The following PALLD variants were observed in gnomAD, a reference collection of about 807,000 sequenced individuals.
PALLD encodes palladin, cytoskeletal associated protein, also known as palladin.
A neutral mutation model predicts 123.5 loss-of-function variants in PALLD; 61 were observed. The ratio of observed to expected loss-of-function variants is 0.49; its 90% confidence interval spans 0.40 to 0.61. The LOEUF is 0.61. PALLD is among the 20% of genes least tolerant of loss of function. PALLD has a pLI of 0.00. For missense variants in PALLD, 1,273 were observed against 1,377.0 expected, an observed-to-expected ratio of 0.92 and a Z score of 1.20; for synonymous variants, 465 against 496.4, an observed-to-expected ratio of 0.94 and a Z score of 0.84.
chr4:168,817,820 G>C (rs1742191685), intron 10 of PALLD, among the ~76,000 whole-genome samples: 1 of 152,140 alleles, frequency 6.6e-6, no homozygotes, highest in African/African-American at 2.4e-5. Context: ...TTCATCCTGG[G>C]TAAGACTTTT....
chr4:168,497,199 G>A lies in PALLD; in HGVS notation c.-83+5G>A, dbSNP rs939449283. 6.6e-6 allele frequency: 1 copy of A among 151,570 alleles called. No homozygotes were observed. The highest frequency in any genetic ancestry group is 1.5e-5 in the Non-Finnish European group (1 of 67,952). 9.4% of individuals were successfully genotyped at this position (151,570 alleles called of 1,614,324 possible). On this transcript the variant is annotated splice_donor_5th_base_variant and intron_variant, in intron 1 of 21. Transcript: ENST00000505667. ...AACTGACCAAGCATTGAAAAGGTCT[G>A]TAAGGTGTATCTTAATATACTAACT...
At chr4:168,580,228 T>C (rs1770097917) in intron 2 of PALLD, among the ~76,000 whole-genome samples, 1 of 147,358 alleles carries the variant, frequency 6.8e-6, no homozygotes, top group South Asian at 2.2e-4. Flanking sequence ...GACTGAATAT[T>C]ATTTCACTGT....
chr4:168,894,311 T>C (rs1373064261), intron 11 of PALLD: 1 of 478,750 alleles, frequency 2.1e-6, no homozygotes, highest in Non-Finnish European at 3.8e-6. Flanking sequence ...ATCTTTTCTG[T>C]GTGGTTTCTT....
In PALLD at chr4:168,527,422, C is replaced by CAAAAAAAAAAAAAAAAA. The variant is rs35555541; in HGVS notation, c.908+15016_908+15032dup. 8.7e-3 allele frequency among the ~76,000 whole-genome samples: 461 copies of CAAAAAAAAAAAAAAAAA among 52,894 alleles called. 58 individuals carry two copies. Among genetic ancestry groups the CAAAAAAAAAAAAAAAAA allele is most frequent in the African/African-American group, 0.016 (146 of 8,854 alleles). 34.7% of individuals were successfully genotyped at this position (52,894 alleles called of 152,430 possible). ...GGGCAACAGGAGTGAAACTCCATCT[C>CAAAAAAAAAAAAAAAAA]AAAAAAAAAAAAAAAAAAAAAAGTC... On this transcript the variant is annotated intron_variant, in intron 2 of 21. Coordinates refer to ENST00000505667, the MANE Select transcript of PALLD (RefSeq NM_001166108.2).
At chr4:168,656,711 G>T (rs1336941464) in intron 2 of PALLD, among the ~76,000 whole-genome samples, 1 of 152,124 alleles carries the variant, frequency 6.6e-6, no homozygotes, top group Non-Finnish European at 1.5e-5. Flanking sequence ...TCCAGATTGT[G>T]GGGGGAAATC....
chr4:168,752,542 G>A (rs1464479953), intron 10 of PALLD, among the ~76,000 whole-genome samples: 2 of 152,196 alleles, frequency 1.3e-5, no homozygotes, highest in Non-Finnish European at 2.9e-5. Flanking sequence ...CGGGTACTAA[G>A]ATGATTCTAG....
intron 10 of PALLD, among the ~76,000 whole-genome samples, chr4:168,723,196 T>C (rs1210507621): frequency 1.1e-4 from 17 of 152,046 alleles, no homozygotes; most frequent in Non-Finnish European, 2.9e-5. Flanking sequence ...GAAAACCAAA[T>C]GCTAAATAGT....
chr4:168,508,818 A>G (rs1762265259), intron 1 of PALLD, among the ~76,000 whole-genome samples: 1 of 151,864 alleles, frequency 6.6e-6, no homozygotes, highest in Admixed American at 6.6e-5. Flanking sequence ...TTCTGGATCC[A>G]TGTTACCTAA....
At chr4:168,878,682 T>TGGGG (rs10686951) in intron 10 of PALLD, among the ~76,000 whole-genome samples, 74 of 83,850 alleles carry the variant, frequency 8.8e-4, no homozygotes, top group East Asian at 7.0e-3. Flanking sequence ...TTAATCATTA[T>TGGGG]GGGGGGGGGG....
chr4:168,760,832 G>A lies in PALLD; in HGVS notation c.1964+48909G>A, dbSNP rs149213331. 1.1e-3 allele frequency among the ~76,000 whole-genome samples: 169 copies of A among 152,242 alleles called. 1 individual carries two copies. In the Middle Eastern group the frequency reaches 0.024, roughly 21 times the overall value. On this transcript the variant is annotated intron_variant, in intron 10 of 21. Transcript: ENST00000505667. Reference sequence around the variant, plus strand: ...GACACTTATGCCTATTGTTTTTCTTGTAACTTTCAAAATCTATTTTGATGT... The same window carrying A: ...GACACTTATGCCTATTGTTTTTCTTATAACTTTCAAAATCTATTTTGATGT...
At chr4:168,735,780 G>A (rs899686215) in intron 10 of PALLD, among the ~76,000 whole-genome samples, 3 of 151,812 alleles carry the variant, frequency 2.0e-5, no homozygotes, top group African/African-American at 4.8e-5. Flanking sequence ...TTGGGTTTTC[G>A]TCTTTGATGA....
Position 168,709,124 on chromosome 4 carries a change from C to G in PALLD, c.1598C>G (p.Thr533Ser). ...ARNDYGSATS[T>S]AQLVVTSANT... ...AATGATTATGGATCAGCAACCAGCA[C>G]TGCCCAGCTGGTTGTCACCTCAGGT... Residue 533 changes from threonine (T) to serine (S), a missense_variant, in exon 9 of 22, where the codon ACT becomes AGT. Around this residue, in one of 2 missense-constraint regions of PALLD, gnomAD observed 944 missense variants for 954.5 expected, o/e 0.99. Coordinates refer to ENST00000505667, the MANE Select transcript of PALLD (RefSeq NM_001166108.2). 6.2e-7 allele frequency: 1 copy of G among 1,613,612 alleles called. No homozygotes were observed. Among genetic ancestry groups the G allele is most frequent in the Non-Finnish European group, 8.5e-7 (1 of 1,179,650 alleles).
chr4:168,707,766 G>A (rs1390206336), intron 8 of PALLD, among the ~76,000 whole-genome samples: 2 of 152,226 alleles, frequency 1.3e-5, no homozygotes, highest in Admixed American at 6.5e-5. Flanking sequence ...TACAATACAC[G>A]GTCTTATGCT....
chr4:168,519,876 T>C (rs1282779981), intron 2 of PALLD, among the ~76,000 whole-genome samples: 2 of 147,878 alleles, frequency 1.4e-5, no homozygotes, highest in Non-Finnish European at 3.0e-5. Context: ...TATTTTCTTA[T>C]TCTTTTATTT....
At chr4:168,600,039 A>G (rs1339650818) in intron 2 of PALLD, among the ~76,000 whole-genome samples, 2 of 145,986 alleles carry the variant, frequency 1.4e-5, no homozygotes, top group Non-Finnish European at 1.5e-5. Flanking sequence ...ACATACATAC[A>G]TGTGTATACA....
chr4:168,691,330 G>A (rs898892150), intron 8 of PALLD, 38 bp downstream of exon 8: 1 of 1,551,190 alleles, frequency 6.4e-7, no homozygotes. Flanking sequence ...TTGGTGGTGG[G>A]GGAGCAGATA....
chr4:168,499,423 T>C (rs1365515052), intron 1 of PALLD, among the ~76,000 whole-genome samples: 1 of 151,856 alleles, frequency 6.6e-6, no homozygotes, highest in African/African-American at 2.4e-5. Context: ...TTCTGAAGCA[T>C]GAAAATTAAG....
intron 2 of PALLD, among the ~76,000 whole-genome samples, chr4:168,515,800 G>T (rs998842527): frequency 6.6e-6 from 1 of 152,188 alleles, no homozygotes; most frequent in Non-Finnish European, 1.5e-5. Context: ...GACTCAACTG[G>T]GTCCAGATTA....
intron 2 of PALLD, among the ~76,000 whole-genome samples, chr4:168,649,172 G>A (rs1380368043): frequency 2.0e-5 from 3 of 152,202 alleles, no homozygotes; most frequent in East Asian, 1.9e-4. Context: ...TTCTGCATGC[G>A]CTCATTTATA....
Sources: allele counts gnomAD v4.1 joint callset (sites outside exome capture counted in the v4.1 genomes callset), GRCh38; gene constraint gnomAD v4.1.1; regional missense constraint gnomAD v4.1.1; transcripts MANE v1.5; gene names NCBI Gene and HGNC (gene_info 2026-07-23, HGNC 2026-07-21).